Variants in ZNF726 observed in about 807,000 individuals in gnomAD.
ZNF726 encodes the protein zinc finger protein 92 pseudogene 3.
A neutral mutation model predicts 11.6 loss-of-function variants in ZNF726; 15 were observed. The observed-to-expected ratio is 1.29, with a 90% CI of 0.86 to 1.99. The LOEUF is 1.99. Ranked by LOEUF, ZNF726 falls within the 30% of genes most tolerant of loss-of-function variation. The pLI, the probability that ZNF726 is intolerant of heterozygous loss-of-function variation, is 0.00. For synonymous variants in ZNF726, 295 were observed against 243.6 expected, an observed-to-expected ratio of 1.21 and a Z score of -1.96; for missense variants, 890 against 725.6, an observed-to-expected ratio of 1.23 and a Z score of -2.60.
intron 3 of ZNF726, among the ~76,000 whole-genome samples, chr19:23,929,792 G>A (rs1968067039): frequency 6.6e-6 from 1 of 151,848 alleles, no homozygotes; most frequent in African/African-American, 2.4e-5. Context: ...ATTTATGCAG[G>A]TTTTTATTCT....
chr19:23,924,749 A>G (rs992032443), intron 3 of ZNF726, among the ~76,000 whole-genome samples: 5 of 152,070 alleles, frequency 3.3e-5, no homozygotes, highest in African/African-American at 1.2e-4. Flanking sequence ...AAGAAATAGC[A>G]AGGCATGGTG....
At chr19:23,937,229 C>T (rs1225326010), downstream of ZNF726, among the ~76,000 whole-genome samples, 1 of 147,432 alleles carries the variant, frequency 6.8e-6, no homozygotes, top group Admixed American at 6.7e-5. Context: ...GCTGGCCGGG[C>T]AGGGGGCTGA....
At chr19:23,934,852 A>G (rs551839040), downstream of ZNF726, among the ~76,000 whole-genome samples, 6 of 152,350 alleles carry the variant, frequency 3.9e-5, no homozygotes, top group East Asian at 1.2e-3. Context: ...GGCACACAGT[A>G]TGCCCAGATG....
chr19:23,917,149 C>T (rs1349297590), intron 1 of ZNF726, among the ~76,000 whole-genome samples: 1 of 152,150 alleles, frequency 6.6e-6, no homozygotes, highest in Non-Finnish European at 1.5e-5. Context: ...TGGAGTTTCA[C>T]CATGCTAGCC....
In ZNF726 at chr19:23,942,435, C is replaced by T. The variant is rs760465533; in HGVS notation, c.227-1059C>T. Among the ~76,000 whole-genome samples the T allele has an allele frequency of 1.1e-4, 17 of 152,114 alleles. No individual in the cohort carries two copies. In the South Asian group the frequency reaches 1.5e-3, roughly 13 times the overall value. On this transcript the variant is annotated intron_variant, in intron 3 of 4. Coordinates refer to the ZNF726 transcript ENST00000334589. ...GCTGTTGAATAGAATTTGTGTTCTG[C>T]GGTTGTAGGATTAAATGTTTTGTAT...
chr19:23,920,199 C>A, intron 3 of ZNF726, 117 bp downstream of exon 3: 1 of 652,466 alleles, frequency 1.5e-6, no homozygotes. Context: ...TCTGGAAAGC[C>A]TGAAATTTAA....
downstream of ZNF726, among the ~76,000 whole-genome samples, chr19:23,938,889 G>C (rs897870572): frequency 3.3e-5 from 5 of 152,006 alleles, no homozygotes; most frequent in African/African-American, 1.2e-4. Context: ...TTACAGGTGT[G>C]AGCCACCGTG....
In ZNF726 at chr19:23,934,352, G is replaced by T; in HGVS notation, c.*385G>T. On this transcript the variant is annotated 3_prime_UTR_variant, in exon 4 of 4. Coordinates refer to ENST00000594466, the MANE Select transcript of ZNF726 (RefSeq NM_001244038.2). ...CTTTAAATGTTCCTCAACTGTTACTGAACATAAAGTAATTCATACTGAAGA... is the reference window on the plus strand; with the variant it reads ...CTTTAAATGTTCCTCAACTGTTACTTAACATAAAGTAATTCATACTGAAGA... 1 of 538,374 alleles carries T rather than the reference G, an allele frequency of 1.9e-6. No homozygotes were observed. Among genetic ancestry groups the T allele is most frequent in the South Asian group, 1.5e-5 (1 of 68,496 alleles). The allele number at this position is 538,374 out of a possible 1,614,324, so 33.3% of individuals were successfully genotyped here.
chr19:23,929,723 A>G (rs1171417325), intron 3 of ZNF726, among the ~76,000 whole-genome samples: 1 of 152,208 alleles, frequency 6.6e-6, no homozygotes, highest in Non-Finnish European at 1.5e-5. Flanking sequence ...TATAAAGATT[A>G]TACCTCTATA....
At chr19:23,937,168 T>C (rs1402968727), downstream of ZNF726, among the ~76,000 whole-genome samples, 1 of 135,290 alleles carries the variant, frequency 7.4e-6, no homozygotes, top group African/African-American at 2.8e-5. Context: ...CCAGACAGGG[T>C]GGCTGGCCGG....
At chr19:23,917,989 T>C (rs1165106632) in intron 1 of ZNF726, among the ~76,000 whole-genome samples, 3 of 152,312 alleles carry the variant, frequency 2.0e-5, no homozygotes, top group South Asian at 4.1e-4. Context: ...CCTGTCTCCA[T>C]TGGCTGGAGT....
Position 23,933,877 on chromosome 19 carries a change from T to C in ZNF726, c.1761T>C (p.His587=), listed in dbSNP as rs1227371599. 4 of 1,591,156 alleles carry C rather than the reference T, an allele frequency of 2.5e-6. No homozygotes were observed. The South Asian group carries it at 3.4e-5, about 13-fold the overall frequency. ...ATCTTAGTACGCATAAGATAATTCA[T>C]ACTGGAGAGAAACCTTACAAGTGTG... ...SSNLSTHKII[H]TGEKPYKCDE... Residue 587 remains histidine (H), a synonymous_variant, in exon 4 of 4, where the codon CAT becomes CAC. Coordinates refer to ENST00000594466, the MANE Select transcript of ZNF726 (RefSeq NM_001244038.2).
chr19:23,922,516 G>T (rs1408558017), intron 3 of ZNF726, among the ~76,000 whole-genome samples: 5 of 152,232 alleles, frequency 3.3e-5, no homozygotes, highest in Non-Finnish European at 7.3e-5. Context: ...CTGTGGCTGT[G>T]AAGAGTTTGG....
At position 23,934,388 on chromosome 19, in the gene ZNF726, A is replaced by C. The variant is rs1968192461; in HGVS notation, c.*421A>C. 2.0e-6 allele frequency: 1 copy of C among 501,338 alleles called. No homozygotes were observed. Among genetic ancestry groups the C allele is most frequent in the Non-Finnish European group, 4.1e-6 (1 of 246,440 alleles). The allele number at this position is 501,338 out of a possible 1,614,324, so 31.1% of individuals were successfully genotyped here. On this transcript the variant is annotated 3_prime_UTR_variant, in exon 4 of 4. Transcript: ENST00000594466. Reference sequence around the variant, plus strand: ...AATTCATACTGAAGAGAAACCCTACAAATGTGAAAAATGTGTCAAAGCCTT... The same window carrying C: ...AATTCATACTGAAGAGAAACCCTACCAATGTGAAAAATGTGTCAAAGCCTT...
rs562525582 is a variant in ZNF726, at chr19:23,933,630, G to A, written c.1514G>A (p.Gly505Glu). The change falls in exon 4 of 4, where the codon GGA becomes GAA. Residue 505 changes from glycine to glutamate, a missense_variant. By Grantham distance (98) the Gly-to-Glu change is moderately conservative. Coordinates refer to ENST00000594466, the MANE Select transcript of ZNF726 (RefSeq NM_001244038.2). ...ACTGCACATAAGATAATTCATACTG[G>A]AGAGAAACCCTACAAATGTGAAGAA... ...TLTAHKIIHTGEKPYKCEECG... is the reference protein window; with the variant it reads ...TLTAHKIIHTEEKPYKCEECG... The A allele has an allele frequency of 5.8e-5, 94 of 1,612,628 alleles. 1 individual carries two copies. The South Asian group carries it at 9.3e-4, about 16-fold the overall frequency.
chr19:23,916,406 C>A (rs1367167147), intron 1 of ZNF726, among the ~76,000 whole-genome samples: 1 of 151,884 alleles, frequency 6.6e-6, no homozygotes, highest in African/African-American at 2.4e-5. Flanking sequence ...GACTTAGGCT[C>A]ACTGCAGCCT....
Position 23,919,438 on chromosome 19 carries a change from T to C in ZNF726, c.69T>C (p.Thr23=). 6.2e-7 allele frequency: 1 copy of C among 1,608,134 alleles called. No individual in the cohort carries two copies. The highest frequency in any genetic ancestry group is 8.5e-7 in the Non-Finnish European group (1 of 1,176,528). The change falls in exon 2 of 4, where the codon ACT becomes ACC. Residue 23 remains threonine (T), a synonymous_variant. Transcript: ENST00000594466. Reference sequence around the variant, plus strand: ...TGGAGGAGTGGCAGTGCCTGGACACTGCACAGAAGAATTTATATAGGAATG... The same window carrying C: ...TGGAGGAGTGGCAGTGCCTGGACACCGCACAGAAGAATTTATATAGGAATG... The part of the protein sequence containing the change: ...FSLEEWQCLD[T]AQKNLYRNVM...
chr19:23,929,463 G>T (rs1429840193), intron 3 of ZNF726, among the ~76,000 whole-genome samples: 1 of 152,146 alleles, frequency 6.6e-6, no homozygotes, highest in African/African-American at 2.4e-5. Flanking sequence ...GGGAGCTTGT[G>T]CAGGAAAACT....
chr19:23,932,609 A>G lies in ZNF726; in HGVS notation c.493A>G (p.Ile165Val), dbSNP rs1479815265. ...ATTTATAAATTTAAACAGATATAAG[A>G]TAAGACATACTAGAAAGAAACCTTT... ...YKFINLNRYK[I>V]RHTRKKPFKC... Residue 165 changes from isoleucine (I) to valine (V), a missense_variant, in exon 4 of 4, where the codon ATA (isoleucine) becomes GTA (valine). Transcript: ENST00000594466. 3 of 1,544,070 alleles carry G rather than the reference A, an allele frequency of 1.9e-6. No homozygotes were observed. Among genetic ancestry groups the G allele is most frequent in the Non-Finnish European group, 1.7e-6 (2 of 1,146,432 alleles).
Sources: gnomAD v4.1 joint callset for allele counts (sites outside exome capture counted in the v4.1 genomes callset) on GRCh38, gnomAD v4.1.1 for gene constraint, MANE v1.5 for transcripts, NCBI Gene and HGNC (gene_info 2026-07-23, HGNC 2026-07-21) for gene names.